ZDHHC5: variants seen among roughly 807,000 people sequenced by gnomAD.
ZDHHC5 encodes the protein zDHHC palmitoyltransferase 5.
In ZDHHC5, 22 loss-of-function variants were observed where a neutral mutation model predicts 70.0. That is an observed-to-expected ratio of 0.31 (90% confidence interval 0.22 to 0.45). The LOEUF (loss-of-function observed/expected upper bound fraction) is 0.45, where lower values mean the gene tolerates loss of function less well. Among genes scored for constraint, ZDHHC5 ranks in the 20% least tolerant of loss-of-function variants. ZDHHC5 has a pLI of 1.00. For synonymous variants in ZDHHC5, 313 were observed against 347.8 expected, an observed-to-expected ratio of 0.90 and a Z score of 1.11; for missense variants, 746 against 926.9, an observed-to-expected ratio of 0.80 and a Z score of 2.53.
At chr11:57,678,566 G>A (rs1271754241) in intron 2 of ZDHHC5, among the ~76,000 whole-genome samples, 2 of 96,468 alleles carry the variant, frequency 2.1e-5, no homozygotes, top group East Asian at 9.3e-4. Context: ...GCAAAACTCT[G>A]TCTCAAAAAA....
chr11:57,696,362 G>A (rs1002366444), intron 9 of ZDHHC5, among the ~76,000 whole-genome samples: 1 of 152,122 alleles, frequency 6.6e-6, no homozygotes, highest in African/African-American at 2.4e-5. Context: ...TTCAGCGAAG[G>A]GTATATCTAT....
intron 8 of ZDHHC5, 79 bp from the exon 9 acceptor site, chr11:57,695,841 C>G: frequency 2.0e-6 from 3 of 1,536,002 alleles, no homozygotes; most frequent in Non-Finnish European, 1.7e-6. Context: ...AAATACCTCC[C>G]TCTTATATCA....
At position 57,699,021 on chromosome 11, in the gene ZDHHC5, T is replaced by G; in HGVS notation, c.1585T>G (p.Ser529Ala). The part of the protein sequence containing the change: ...VPTGPTHREP[S>A]PVRYDNLSRH... ...AACTGGCCCAACACACCGAGAGCCC[T>G]CACCAGTCCGTTACGACAATCTGTC... Residue 529 changes from serine to alanine, a missense_variant, in exon 11 of 12, where the codon TCA becomes GCA. This residue lies in a region of ZDHHC5 where 340 missense variants were observed against 350.1 expected (regional missense o/e 0.97). Coordinates refer to ENST00000287169, the MANE Select transcript of ZDHHC5 (RefSeq NM_015457.3). 3.1e-6 allele frequency: 5 copies of G among 1,609,966 alleles called. No individual in the cohort carries two copies. Among genetic ancestry groups the G allele is most frequent in the Non-Finnish European group, 3.4e-6 (4 of 1,179,962 alleles).
chr11:57,695,828 C>T, intron 8 of ZDHHC5, 92 bp from the exon 9 acceptor site: 1 of 1,488,146 alleles, frequency 6.7e-7, no homozygotes, highest in Non-Finnish European at 8.9e-7. Flanking sequence ...AGAATTGACT[C>T]CCAAATACCT....
At chr11:57,676,589 C>G (rs1190341071) in intron 2 of ZDHHC5, among the ~76,000 whole-genome samples, 6 of 151,894 alleles carry the variant, frequency 4.0e-5, no homozygotes, top group Non-Finnish European at 7.4e-5. Context: ...ACAGTGAGAA[C>G]GTTGACCTAC....
intron 3 of ZDHHC5, among the ~76,000 whole-genome samples, chr11:57,684,338 C>T (rs568233572): frequency 1.3e-5 from 2 of 152,290 alleles, no homozygotes; most frequent in South Asian, 4.1e-4. Flanking sequence ...AATCCCAGCA[C>T]TTTGGGAGGC....
Position 57,698,755 on chromosome 11 carries a change from T to C in ZDHHC5, c.1319T>C (p.Leu440Pro). Residue 440 changes from leucine to proline, a missense_variant, in exon 11 of 12, where the codon CTG (leucine) becomes CCG (proline). This residue lies in a region of ZDHHC5 where 340 missense variants were observed against 350.1 expected (regional missense o/e 0.97). Transcript: ENST00000287169. ...LKSAQGTGFELGQLQSIRSEG... is the reference protein window; with the variant it reads ...LKSAQGTGFEPGQLQSIRSEG... ...TCAGCCCAGGGCACAGGCTTTGAGCTGGGCCAGTTGCAATCCATTCGTTCA... is the reference window on the plus strand; with the variant it reads ...TCAGCCCAGGGCACAGGCTTTGAGCCGGGCCAGTTGCAATCCATTCGTTCA... 1 of 1,614,232 alleles carries C rather than the reference T, an allele frequency of 6.2e-7. No homozygotes were observed. Among genetic ancestry groups the C allele is most frequent in the Non-Finnish European group, 8.5e-7 (1 of 1,180,036 alleles).
intron 7 of ZDHHC5, among the ~76,000 whole-genome samples, chr11:57,693,064 T>C (rs933443541): frequency 1.3e-4 from 20 of 152,018 alleles, no homozygotes; most frequent in African/African-American, 3.9e-4. Flanking sequence ...CCCAGCACTT[T>C]GGGAGGCCGA....
At chr11:57,682,693 T>TA in intron 3 of ZDHHC5, 150 bp downstream of exon 3, 1 of 1,005,832 alleles carries the variant, frequency 9.9e-7, no homozygotes, top group South Asian at 2.2e-5. Flanking sequence ...TCTTGGGCCT[T>TA]AAAGTCCGGG....
rs372486893 is a variant in ZDHHC5 at position 57,682,499 on chromosome 11, A to G, written c.182A>G (p.Asn61Ser). The change falls in exon 3 of 12, where the codon AAC becomes AGC. Residue 61 changes from asparagine to serine, a missense_variant. Asn to Ser is a conservative substitution (Grantham distance 46). This residue lies in a region of ZDHHC5 where 89 missense variants were observed against 130.7 expected (regional missense o/e 0.68). Coordinates refer to ENST00000287169, the MANE Select transcript of ZDHHC5 (RefSeq NM_015457.3). ...ATTATGTTTCTCTTTGTGTTGGCCA[A>G]CTTCAGCATGGCCACCTTCATGGAC... ...NAIMFLFVLA[N>S]FSMATFMDPG... The G allele has an allele frequency of 4.4e-5, 71 of 1,613,988 alleles. No individual in the cohort carries two copies. Among genetic ancestry groups the G allele is most frequent in the South Asian group, 7.7e-5 (7 of 91,074 alleles).
intron 3 of ZDHHC5, among the ~76,000 whole-genome samples, chr11:57,684,065 C>A (rs2926651): frequency 6.6e-5 from 9 of 136,342 alleles, no homozygotes; most frequent in South Asian, 2.5e-4. Flanking sequence ...TTGACCCCCC[C>A]CTGGCTCAGG....
intron 1 of ZDHHC5, among the ~76,000 whole-genome samples, chr11:57,669,766 A>G (rs1355674880): frequency 6.6e-6 from 1 of 152,190 alleles, no homozygotes; most frequent in Non-Finnish European, 1.5e-5. Flanking sequence ...GCTGGCATAC[A>G]TATTCTTGTA....
intron 2 of ZDHHC5, among the ~76,000 whole-genome samples, chr11:57,680,953 C>T (rs898227288): frequency 4.6e-5 from 7 of 152,154 alleles, no homozygotes; most frequent in Non-Finnish European, 7.4e-5. Context: ...GCTCCAGCTT[C>T]GTTATTTTGT....
At chr11:57,690,648 C>T (rs994132876) in intron 6 of ZDHHC5, among the ~76,000 whole-genome samples, 2 of 152,134 alleles carry the variant, frequency 1.3e-5, no homozygotes, top group African/African-American at 4.8e-5. Flanking sequence ...CACATATACA[C>T]CATGGAATAC....
At position 57,699,336 on chromosome 11, in the gene ZDHHC5, T is replaced by C; in HGVS notation, c.1900T>C (p.Ser634Pro). The C allele has an allele frequency of 6.2e-7, 1 of 1,612,974 alleles. No individual in the cohort carries two copies. The highest frequency in any genetic ancestry group is 2.2e-5 in the East Asian group (1 of 44,844). ...CCCAACAGCCCCATACCTGGGCCGA[T>C]CGATGTCTTACAGCAGCCAAAAAGC... is the stretch of plus-strand genomic sequence containing the variant. The part of the protein sequence containing the change: ...PGPTAPYLGR[S>P]MSYSSQKAQP... Residue 634 changes from serine (S) to proline (P), a missense_variant, in exon 11 of 12, where the codon TCG becomes CCG. This residue lies in a region of ZDHHC5 where 340 missense variants were observed against 350.1 expected (regional missense o/e 0.97). Transcript: ENST00000287169.
At chr11:57,699,827 C>T (rs765695107) in intron 11 of ZDHHC5, 39 bp from the exon 12 acceptor site, 1 of 1,612,936 alleles carries the variant, frequency 6.2e-7, no homozygotes. Context: ...TGTTTTCTGT[C>T]CCATTTCCTG....
chr11:57,696,738 C>A, intron 9 of ZDHHC5, 23 bp from the exon 10 acceptor site: 2 of 1,606,322 alleles, frequency 1.2e-6, no homozygotes, highest in African/African-American at 2.7e-5. Context: ...AAAATAGTGC[C>A]CCCTTGGCCT....
intron 2 of ZDHHC5, among the ~76,000 whole-genome samples, chr11:57,678,402 C>G (rs188849053): frequency 4.3e-4 from 66 of 151,990 alleles, no homozygotes; most frequent in Middle Eastern, 3.4e-3. Context: ...AACCCGTTCT[C>G]TACTAAAAAT....
Position 57,695,920 on chromosome 11 carries a change from T to A in ZDHHC5, c.886T>A (p.Ser296Thr). Residue 296 changes from serine (S) to threonine (T), a missense_variant and splice_region_variant, in exon 9 of 12, where the codon TCT becomes ACT. This residue lies in a region of ZDHHC5 where 179 missense variants were observed against 178.4 expected (regional missense o/e 1.00). Coordinates refer to ENST00000287169, the MANE Select transcript of ZDHHC5 (RefSeq NM_015457.3). ...GIQGELRRTK[S>T]KGSLEITESQ... is the part of the protein sequence containing the mutation. Reference sequence around the variant, plus strand: ...ATTTTCCCTCCCTTCATCAATCCAGTCTAAGGGAAGCCTGGAGATAACAGA... The same window carrying A: ...ATTTTCCCTCCCTTCATCAATCCAGACTAAGGGAAGCCTGGAGATAACAGA... The A allele has an allele frequency of 6.2e-7, 1 of 1,613,410 alleles. No homozygotes were observed. Among genetic ancestry groups the A allele is most frequent in the African/African-American group, 1.3e-5 (1 of 74,948 alleles).
Sources: allele counts gnomAD v4.1 joint callset (sites outside exome capture counted in the v4.1 genomes callset), GRCh38; gene constraint gnomAD v4.1.1; regional missense constraint gnomAD v4.1.1; transcripts MANE v1.5; gene names NCBI Gene and HGNC (gene_info 2026-07-23, HGNC 2026-07-21).